Variants in LRRC7 observed in about 807,000 individuals in gnomAD.
The protein encoded by LRRC7 is leucine rich repeat containing 7.
A neutral mutation model predicts 175.7 loss-of-function variants in LRRC7; 23 were observed. That is an observed-to-expected ratio of 0.13 (90% confidence interval 0.09 to 0.19). LRRC7 has a LOEUF of 0.19. Ranked by LOEUF, LRRC7 falls within the 10% of genes least tolerant of loss-of-function variation. The pLI is 1.00. For missense variants in LRRC7, 1,354 were observed against 1,904.7 expected, an observed-to-expected ratio of 0.71 and a Z score of 5.38; for synonymous variants, 685 against 680.9, an observed-to-expected ratio of 1.01 and a Z score of -0.09.
chr1:69,643,291 C>G (rs1228018239), intron 1 of LRRC7, among the ~76,000 whole-genome samples: 1 of 152,058 alleles, frequency 6.6e-6, no homozygotes, highest in Non-Finnish European at 1.5e-5. Context: ...CACAAACACA[C>G]AGAGAAATAA....
intron 8 of LRRC7, among the ~76,000 whole-genome samples, chr1:69,971,627 C>T (rs538527025): frequency 6.6e-6 from 1 of 152,066 alleles, no homozygotes; most frequent in African/African-American, 2.4e-5. Context: ...ATAGATGACA[C>T]AAACTAGTGG....
intron 7 of LRRC7, among the ~76,000 whole-genome samples, chr1:69,878,625 C>A (rs1375918149): frequency 1.3e-5 from 2 of 151,936 alleles, no homozygotes; most frequent in African/African-American, 2.4e-5. Flanking sequence ...AGAATGGCTG[C>A]CTTGCTGATT....
chr1:69,689,043 C>G (rs1264071387), intron 2 of LRRC7, among the ~76,000 whole-genome samples: 1 of 152,146 alleles, frequency 6.6e-6, no homozygotes, highest in Non-Finnish European at 1.5e-5. Flanking sequence ...GACTTCCAGG[C>G]ACCTATAAAT....
At chr1:69,662,035 C>G (rs1186226308) in intron 1 of LRRC7, among the ~76,000 whole-genome samples, 3 of 152,026 alleles carry the variant, frequency 2.0e-5, no homozygotes, top group Admixed American at 2.0e-4. Context: ...TTCATTTAGG[C>G]AACTTTGCTC....
intron 2 of LRRC7, among the ~76,000 whole-genome samples, chr1:69,694,957 AC>A (rs749176753): frequency 5.3e-5 from 8 of 152,204 alleles, no homozygotes; most frequent in Non-Finnish European, 1.0e-4. Context: ...ATGGACTAAA[AC>A]AGAAAACTGT....
At chr1:70,066,559 G>A (rs1215670830) in intron 23 of LRRC7, among the ~76,000 whole-genome samples, 1 of 151,908 alleles carries the variant, frequency 6.6e-6, no homozygotes, top group Admixed American at 6.6e-5. Flanking sequence ...TGTATCAATA[G>A]TTCTTTCCTT....
At chr1:69,637,078 CTT>C (rs1491229585) in intron 1 of LRRC7, among the ~76,000 whole-genome samples, 2 of 151,336 alleles carry the variant, frequency 1.3e-5, no homozygotes, top group African/African-American at 2.4e-5. Flanking sequence ...ACCCTTCTCT[CTT>C]TCTCTCTCTC....
At chr1:69,923,253 T>C (rs1646950557) in intron 7 of LRRC7, among the ~76,000 whole-genome samples, 2 of 152,210 alleles carry the variant, frequency 1.3e-5, no homozygotes, top group South Asian at 4.1e-4. Context: ...GTCTTTGCTA[T>C]TGTGAATAGT....
At chr1:69,600,945 G>A (rs1474069060) in intron 1 of LRRC7, among the ~76,000 whole-genome samples, 1 of 145,900 alleles carries the variant, frequency 6.9e-6, no homozygotes, top group Non-Finnish European at 1.5e-5. Context: ...CTGAGTAGCT[G>A]GAATTACAGG....
intron 2 of LRRC7, among the ~76,000 whole-genome samples, chr1:69,684,040 G>T (rs192479138): frequency 6.6e-6 from 1 of 152,056 alleles, no homozygotes; most frequent in Non-Finnish European, 1.5e-5. Flanking sequence ...AATGATAAAA[G>T]ATTTAATGTA....
chr1:69,652,573 T>A (rs1043263684), intron 1 of LRRC7, among the ~76,000 whole-genome samples: 1 of 152,170 alleles, frequency 6.6e-6, no homozygotes, highest in Non-Finnish European at 1.5e-5. Context: ...CAATGCAATC[T>A]CTACCAAAAT....
Position 69,955,492 on chromosome 1 carries a change from G to A in LRRC7, c.711+23922G>A, listed in dbSNP as rs143123163. Among the ~76,000 whole-genome samples, 3 of 152,042 alleles carry A rather than the reference G, an allele frequency of 2.0e-5. No homozygotes were observed. The East Asian group carries it at 5.8e-4, about 29-fold the overall frequency. On this transcript the variant is annotated intron_variant, in intron 8 of 26. Transcript: ENST00000651989. The stretch of plus-strand genomic sequence containing the variant: ...TGGCTGCCATGCAGATTGAGAGGAA[G>A]TCACAAAAATGGGAATGGAAAGGCA...
intron 8 of LRRC7, among the ~76,000 whole-genome samples, chr1:69,941,525 G>T (rs1192237542): frequency 6.6e-6 from 1 of 151,824 alleles, no homozygotes; most frequent in Non-Finnish European, 1.5e-5. Flanking sequence ...CAATTTCTGG[G>T]TAAATCTTTA....
intron 1 of LRRC7, among the ~76,000 whole-genome samples, chr1:69,577,189 T>G (rs1001848576): frequency 1.3e-5 from 2 of 152,166 alleles, no homozygotes; most frequent in Non-Finnish European, 2.9e-5. Flanking sequence ...CTACTAGAAC[T>G]GTTATGCATG....
At chr1:69,614,225 A>G (rs1353788316) in intron 1 of LRRC7, among the ~76,000 whole-genome samples, 1 of 151,900 alleles carries the variant, frequency 6.6e-6, no homozygotes, top group African/African-American at 2.4e-5. Flanking sequence ...TTTGTTAATC[A>G]CCTTTGTGCT....
chr1:69,660,998 G>C (rs1380485566), intron 1 of LRRC7, among the ~76,000 whole-genome samples: 1 of 151,842 alleles, frequency 6.6e-6, no homozygotes, highest in Non-Finnish European at 1.5e-5. Flanking sequence ...ATTTAGATAT[G>C]CACAAAAGAA....
At chr1:70,048,823 G>A (rs1213363048) in intron 22 of LRRC7, among the ~76,000 whole-genome samples, 3 of 151,952 alleles carry the variant, frequency 2.0e-5, no homozygotes, top group Non-Finnish European at 4.4e-5. Flanking sequence ...ATTATTTTTG[G>A]TAGCAGTGAA....
intron 1 of LRRC7, among the ~76,000 whole-genome samples, chr1:69,598,238 A>G (rs1399591170): frequency 6.6e-6 from 1 of 152,076 alleles, no homozygotes; most frequent in African/African-American, 2.4e-5. Context: ...CTGAGACTAA[A>G]CTTTCAGGAA....
rs138012437 is a variant in LRRC7, at chr1:69,991,832, GT to G, written c.932-2728del. On this transcript the variant is annotated intron_variant, in intron 10 of 26. Coordinates refer to ENST00000651989, the MANE Select transcript of LRRC7 (RefSeq NM_001370785.2). Reference sequence around the variant, plus strand: ...AATGATATACTCAACAACAAGCCCCGTGTGCTGAGTCACTTTCCCTGTGCTG... The same window carrying G: ...AATGATATACTCAACAACAAGCCCCGGTGCTGAGTCACTTTCCCTGTGCTG... 3.3e-3 allele frequency among the ~76,000 whole-genome samples: 499 copies of G among 152,146 alleles called. 5 individuals are homozygous for G. The highest frequency in any genetic ancestry group is 3.8e-3 in the Non-Finnish European group (257 of 67,998).
Sources: allele counts gnomAD v4.1 joint callset (sites outside exome capture counted in the v4.1 genomes callset), GRCh38; gene constraint gnomAD v4.1.1; transcripts MANE v1.5; gene names NCBI Gene and HGNC (gene_info 2026-07-23, HGNC 2026-07-21).